Variants in ZMIZ1 observed in about 807,000 individuals in gnomAD.
ZMIZ1 encodes zinc finger MIZ domain-containing protein 1.
In ZMIZ1, 17 loss-of-function variants were observed where a neutral mutation model predicts 113.9. The ratio of observed to expected loss-of-function variants is 0.15; its 90% CI spans 0.10 to 0.22. ZMIZ1 has a LOEUF of 0.22. ZMIZ1 is among the 10% of genes least tolerant of loss of function. ZMIZ1 has a pLI of 1.00. For missense variants in ZMIZ1, 1,059 were observed against 1,477.8 expected (o/e 0.72, Z 4.65); for synonymous variants, 607 against 603.1 (o/e 1.01, Z -0.09).
Position 79,314,004 on chromosome 10 carries a change from A to T in ZMIZ1, c.*1255A>T. The T allele has an allele frequency of 2.2e-6, 1 of 455,812 alleles. No homozygotes were observed. Among genetic ancestry groups the T allele is most frequent in the South Asian group, 1.6e-5 (1 of 64,512 alleles). The allele number at this position is 455,812 out of a possible 1,614,324, so 28.2% of individuals were successfully genotyped here. Reference sequence around the variant, plus strand: ...TGTGCACCAGTATGTACCTGCAGGCATGGGGGGGAGGGGGGCGTGTTTCTG... The same window carrying T: ...TGTGCACCAGTATGTACCTGCAGGCTTGGGGGGGAGGGGGGCGTGTTTCTG... On this transcript the variant is annotated 3_prime_UTR_variant, in exon 25 of 25. Coordinates refer to ENST00000334512, the MANE Select transcript of ZMIZ1 (RefSeq NM_020338.4).
intron 8 of ZMIZ1, among the ~76,000 whole-genome samples, chr10:79,288,833 G>T (rs1364956294): frequency 6.6e-6 from 1 of 152,232 alleles, no homozygotes; most frequent in African/African-American, 2.4e-5. Flanking sequence ...AAGCACAAGA[G>T]GTGGGGCTGA....
intron 24 of ZMIZ1, among the ~76,000 whole-genome samples, chr10:79,311,499 C>G (rs923223615): frequency 1.3e-5 from 2 of 152,138 alleles, no homozygotes; most frequent in African/African-American, 4.8e-5. Context: ...TGCCCTCCCC[C>G]GATGGTGAGC....
rs934492463 is a variant in ZMIZ1, at chr10:79,070,900, C to G, written c.-337+1630C>G. Among the ~76,000 whole-genome samples, 12 of 151,916 alleles carry G rather than the reference C, an allele frequency of 7.9e-5. No individual in the cohort carries two copies. The South Asian group carries it at 1.9e-3, about 24-fold the overall frequency. Reference sequence around the variant, plus strand: ...CGCGCTCTCCCCCTTCTCCTCTCCCCTGACTGCTTTTCCAATGCCCTGACA... The same window carrying G: ...CGCGCTCTCCCCCTTCTCCTCTCCCGTGACTGCTTTTCCAATGCCCTGACA... On this transcript the variant is annotated intron_variant, in intron 1 of 24. Coordinates refer to ENST00000334512, the MANE Select transcript of ZMIZ1 (RefSeq NM_020338.4).
chr10:79,128,481 T>C (rs1297534432), intron 2 of ZMIZ1, among the ~76,000 whole-genome samples: 1 of 152,246 alleles, frequency 6.6e-6, no homozygotes, highest in Non-Finnish European at 1.5e-5. Context: ...ATCTGACCTT[T>C]GCAGTGTTGT....
chr10:79,243,207 T>A (rs1849958224), intron 7 of ZMIZ1, among the ~76,000 whole-genome samples: 1 of 149,748 alleles, frequency 6.7e-6, no homozygotes. Flanking sequence ...GCCCGCAGGG[T>A]CCGCGAGCGC....
At chr10:79,305,351 G>C in intron 20 of ZMIZ1, 120 bp downstream of exon 20, 1 of 1,305,826 alleles carries the variant, frequency 7.7e-7, no homozygotes, top group Non-Finnish European at 1.1e-6. Flanking sequence ...ATGGCAGAGG[G>C]GCTCAGGTTA....
intron 4 of ZMIZ1, among the ~76,000 whole-genome samples, chr10:79,174,773 C>T (rs985109506): frequency 3.3e-5 from 5 of 152,244 alleles, no homozygotes; most frequent in Admixed American, 3.3e-4. Flanking sequence ...GATGCAGGCT[C>T]AGTGTAAAAC....
intron 5 of ZMIZ1, among the ~76,000 whole-genome samples, chr10:79,202,637 A>G (rs1328554234): frequency 6.6e-6 from 1 of 152,232 alleles, no homozygotes; most frequent in East Asian, 1.9e-4. Flanking sequence ...CCAAGAGGCA[A>G]GCTGCCCAGG....
intron 4 of ZMIZ1, among the ~76,000 whole-genome samples, chr10:79,177,483 A>G (rs1012704989): frequency 1.3e-5 from 2 of 152,218 alleles, no homozygotes; most frequent in African/African-American, 2.4e-5. Flanking sequence ...TAGTCCTCGT[A>G]TCCACCCTGC....
At chr10:79,140,035 T>G (rs1845191469) in intron 3 of ZMIZ1, among the ~76,000 whole-genome samples, 1 of 152,340 alleles carries the variant, frequency 6.6e-6, no homozygotes, top group South Asian at 2.1e-4. Flanking sequence ...TGTACTTACC[T>G]CAGTTCTCAA....
At chr10:79,282,157 A>G (rs1000097999) in intron 8 of ZMIZ1, among the ~76,000 whole-genome samples, 6 of 152,220 alleles carry the variant, frequency 3.9e-5, no homozygotes, top group Non-Finnish European at 7.3e-5. Context: ...ACACCTCATA[A>G]GTCCTCAGTG....
At chr10:79,191,634 G>A (rs1847608310) in intron 4 of ZMIZ1, among the ~76,000 whole-genome samples, 1 of 152,210 alleles carries the variant, frequency 6.6e-6, no homozygotes, top group South Asian at 2.1e-4. Context: ...AGCAGTGCTA[G>A]TCACCTTCCT....
At chr10:79,186,836 A>G (rs898237493) in intron 4 of ZMIZ1, among the ~76,000 whole-genome samples, 5 of 152,236 alleles carry the variant, frequency 3.3e-5, no homozygotes, top group Non-Finnish European at 5.9e-5. Flanking sequence ...CTGACTGGTC[A>G]AAGGGGCACT....
intron 12 of ZMIZ1, chr10:79,293,872 C>T (rs566807989): frequency 4.5e-6 from 3 of 668,266 alleles, no homozygotes; most frequent in East Asian, 5.5e-5. Context: ...CCTAGGGCTG[C>T]TTGAGGGACT....
intron 7 of ZMIZ1, among the ~76,000 whole-genome samples, chr10:79,218,413 T>C (rs1020417429): frequency 1.3e-5 from 2 of 151,988 alleles, no homozygotes; most frequent in African/African-American, 4.8e-5. Flanking sequence ...AGGTGGAGGT[T>C]GCAGTGAGTC....
intron 2 of ZMIZ1, among the ~76,000 whole-genome samples, chr10:79,130,569 T>C (rs1025921827): frequency 2.6e-5 from 4 of 152,200 alleles, no homozygotes; most frequent in African/African-American, 7.2e-5. Context: ...AGGAGTTATC[T>C]GTCTCCCCAG....
intron 3 of ZMIZ1, among the ~76,000 whole-genome samples, chr10:79,156,465 T>C (rs1190234978): frequency 2.0e-5 from 3 of 152,212 alleles, no homozygotes; most frequent in Non-Finnish European, 4.4e-5. Flanking sequence ...CTGGTGTTCC[T>C]GCCTTCCCAG....
chr10:79,183,926 C>T (rs1255479095), intron 4 of ZMIZ1, among the ~76,000 whole-genome samples: 1 of 152,180 alleles, frequency 6.6e-6, no homozygotes, highest in Non-Finnish European at 1.5e-5. Flanking sequence ...CTTGGACATA[C>T]TCATGACACT....
At chr10:79,126,190 G>T (rs1306385981) in intron 2 of ZMIZ1, among the ~76,000 whole-genome samples, 2 of 152,212 alleles carry the variant, frequency 1.3e-5, no homozygotes, top group Non-Finnish European at 2.9e-5. Flanking sequence ...GGGATTTGTA[G>T]GCCCAATGGT....
Sources: gnomAD v4.1 joint callset for allele counts (sites outside exome capture counted in the v4.1 genomes callset) on GRCh38, gnomAD v4.1.1 for gene constraint, MANE v1.5 for transcripts, NCBI Gene and HGNC (gene_info 2026-07-23, HGNC 2026-07-21) for gene names.